The following TBCD variants were observed in gnomAD, a reference collection of about 807,000 sequenced individuals.
TBCD encodes the protein tubulin-specific chaperone D.
A neutral mutation model predicts 169.3 loss-of-function variants in TBCD; 105 were observed. The observed-to-expected ratio is 0.62, with a 90% CI of 0.53 to 0.73. The LOEUF (loss-of-function observed/expected upper bound fraction) is 0.73. Among genes scored for constraint, TBCD ranks in the 30% least tolerant of loss-of-function variants. The pLI, the probability that TBCD is intolerant of heterozygous loss-of-function variation, is 0.00. For synonymous variants in TBCD, 700 were observed against 643.9 expected (o/e 1.09, Z -1.32); for missense variants, 1,444 against 1,600.1 (o/e 0.90, Z 1.66).
In TBCD at chr17:82,920,860, G is replaced by A. The variant is rs1318306849; in HGVS notation, c.2101+242G>A. The stretch of plus-strand genomic sequence containing the variant: ...GTCACCTCAGTACCCCCACCTCCTC[G>A]CTTCCATGCCCAGGGCCCGGCACTC... On this transcript the variant is annotated intron_variant, in intron 24 of 38. Transcript: ENST00000355528. This position sits in a 1 kb window ranked among gnomAD's most constrained non-coding sequence, Gnocchi z 4.1. 6.6e-6 allele frequency among the ~76,000 whole-genome samples: 1 copy of A among 151,886 alleles called. No individual in the cohort carries two copies. The highest frequency in any genetic ancestry group is 1.5e-5 in the Non-Finnish European group (1 of 67,978).
Position 82,809,698 on chromosome 17 carries a change from T to A in TBCD, c.1149-10T>A. 1 of 1,612,610 alleles carries A rather than the reference T, an allele frequency of 6.2e-7. No individual in the cohort carries two copies. Among genetic ancestry groups the A allele is most frequent in the Non-Finnish European group, 8.5e-7 (1 of 1,179,272 alleles). ...GGTGCCCCTGACGGATTGCTGCGTT[T>A]CTCTTTCAGCATCGGTAGGATGGCT... On this transcript the variant is annotated splice_polypyrimidine_tract_variant and intron_variant, in intron 11 of 38. Transcript: ENST00000355528.
chr17:82,916,830 C>T (rs932199801), intron 23 of TBCD, among the ~76,000 whole-genome samples: 3 of 151,934 alleles, frequency 2.0e-5, no homozygotes, highest in African/African-American at 7.3e-5. Context: ...TATTTTCTGT[C>T]GATGTTTTGT....
At chr17:82,895,850 T>C (rs1437491381) in intron 17 of TBCD, 1 of 152,090 alleles carries the variant, frequency 6.6e-6, no homozygotes, top group African/African-American at 2.4e-5. Flanking sequence ...CAGACTGGAA[T>C]TGAACTAACG....
chr17:82,909,236 T>C (rs774723813), intron 21 of TBCD, 49 bp from the exon 22 acceptor site: 31 of 1,378,968 alleles, frequency 2.2e-5, no homozygotes, highest in Non-Finnish European at 2.6e-5. Flanking sequence ...CGTATACGTA[T>C]TATTTTAAAA....
intron 6 of TBCD, among the ~76,000 whole-genome samples, chr17:82,777,565 C>T (rs1199386457): frequency 6.6e-6 from 1 of 152,220 alleles, no homozygotes; most frequent in Non-Finnish European, 1.5e-5. Context: ...GGGGCCCTTC[C>T]CTGCCTGGCA....
chr17:82,859,646 C>T, intron 13 of TBCD: 4 of 985,342 alleles, frequency 4.1e-6, no homozygotes, highest in Non-Finnish European at 3.6e-6. Context: ...GGTTGGAGTT[C>T]AGAATTGTGG....
chr17:82,861,380 T>G (rs192606460), intron 13 of TBCD, among the ~76,000 whole-genome samples: 1,182 of 62,964 alleles, frequency 0.019, 9 homozygotes, highest in South Asian at 0.039. Flanking sequence ...AGCTGCTGGT[T>G]CACGTCAGCT....
intron 13 of TBCD, chr17:82,838,951 CTG>C (rs1246050164): frequency 1.0e-6 from 1 of 985,262 alleles, no homozygotes; most frequent in Non-Finnish European, 1.2e-6. Context: ...TGTGGACGGA[CTG>C]TGCTTGGTCA....
chr17:82,768,810 A>C (rs747657674), intron 5 of TBCD, among the ~76,000 whole-genome samples: 44 of 152,324 alleles, frequency 2.9e-4, no homozygotes, highest in South Asian at 1.0e-3. Flanking sequence ...TAATCATGGC[A>C]GATAAGGAAG....
In TBCD at chr17:82,945,853, CAGTTGGAT is replaced by C. The variant is rs2063665712; in HGVS notation, c.*3398_*3405del. 2 of 152,244 alleles carry C rather than the reference CAGTTGGAT, an allele frequency of 1.3e-5. No individual in the cohort carries two copies. The highest frequency in any genetic ancestry group is 2.9e-5 in the Non-Finnish European group (2 of 68,008). 9.4% of individuals were successfully genotyped at this position (152,244 alleles called of 1,614,324 possible). A position where few individuals can be genotyped will look rare whatever the true frequency, so the allele number is the denominator to read the frequency against. ...ACTTTAGGCAGGAGGGAAATGATCG[CAGTTGGAT>C]AGTTGGAGGAATGTGGAGCAAGGGA... On this transcript the variant is annotated 3_prime_UTR_variant, in exon 39 of 39. Transcript: ENST00000355528.
In TBCD at chr17:82,920,742, C is replaced by T. The variant is rs2061370241; in HGVS notation, c.2101+124C>T. On this transcript the variant is annotated intron_variant, in intron 24 of 38. Coordinates refer to ENST00000355528, the MANE Select transcript of TBCD (RefSeq NM_005993.5). The surrounding 1 kb of genome is among the most constrained non-coding windows in gnomAD (Gnocchi z 4.1). Reference sequence around the variant, plus strand: ...TAGCTTAAAGGTTCAAGATATTAATCGGATACGTTGCCTTGAAGTTGTTAC... The same window carrying T: ...TAGCTTAAAGGTTCAAGATATTAATTGGATACGTTGCCTTGAAGTTGTTAC... The T allele has an allele frequency of 1.8e-5, 16 of 905,186 alleles. No homozygotes were observed. The highest frequency in any genetic ancestry group is 5.4e-5 in the Admixed American group (2 of 37,090). 56.1% of individuals were successfully genotyped at this position (905,186 alleles called of 1,614,324 possible).
At chr17:82,866,722 C>A (rs999997046) in intron 13 of TBCD, among the ~76,000 whole-genome samples, 1 of 150,548 alleles carries the variant, frequency 6.6e-6, no homozygotes, top group Non-Finnish European at 1.5e-5. Context: ...GAGGCCGAGG[C>A]AGGCTTTGTT....
In TBCD at chr17:82,890,886, G is replaced by A. The variant is rs1328363497; in HGVS notation, c.1563+1189G>A. Among the ~76,000 whole-genome samples the A allele has an allele frequency of 3.3e-5, 5 of 152,224 alleles. No homozygotes were observed. The East Asian group carries it at 9.7e-4, about 29-fold the overall frequency. ...CGAGGTTTGGTCTTTTGAGTGGAGA[G>A]TGTGGCTGCTGTGAGGAAGAAGGAG... is the stretch of plus-strand genomic sequence containing the variant. On this transcript the variant is annotated intron_variant, in intron 16 of 38. Coordinates refer to ENST00000355528, the MANE Select transcript of TBCD (RefSeq NM_005993.5). The surrounding 1 kb of genome is among the most constrained non-coding windows in gnomAD (Gnocchi z 5.3).
rs768432582 is a variant in TBCD, at chr17:82,884,212, C to A, written c.1533+10C>A. 6.3e-7 allele frequency: 1 copy of A among 1,599,798 alleles called. No individual in the cohort carries two copies. The highest frequency in any genetic ancestry group is 8.5e-7 in the Non-Finnish European group (1 of 1,172,312). ...CAGAAGAGCAGCCTCTGTAAGTTTT[C>A]TCATTTTGATATTTCCTTTCCTGAA... On this transcript the variant is annotated intron_variant, in intron 15 of 38. Coordinates refer to ENST00000355528, the MANE Select transcript of TBCD (RefSeq NM_005993.5). This position sits in a 1 kb window ranked among gnomAD's most constrained non-coding sequence, Gnocchi z 4.2.
At chr17:82,756,248 A>C (rs781716663) in intron 2 of TBCD, 33 bp downstream of exon 2, 3 of 1,591,480 alleles carry the variant, frequency 1.9e-6, no homozygotes, top group Non-Finnish European at 2.6e-6. Flanking sequence ...TTGATCATTC[A>C]GTTACAGATG....
At chr17:82,924,274 A>G (rs1744227889) in intron 26 of TBCD, among the ~76,000 whole-genome samples, 2 of 152,108 alleles carry the variant, frequency 1.3e-5, no homozygotes, top group South Asian at 2.1e-4. Flanking sequence ...GAATTTTTGT[A>G]TGCACCGTGA....
At chr17:82,754,055 A>G (rs190745913) in intron 1 of TBCD, among the ~76,000 whole-genome samples, 145 of 151,278 alleles carry the variant, frequency 9.6e-4, no homozygotes, top group African/African-American at 2.7e-3. Context: ...TTTTCGTATT[A>G]TTAGTAGTGA....
chr17:82,825,142 G>T (rs1436036887), intron 13 of TBCD, among the ~76,000 whole-genome samples: 1 of 152,164 alleles, frequency 6.6e-6, no homozygotes, highest in African/African-American at 2.4e-5. Context: ...CTTGGGCGGG[G>T]TTCTCCATGC....
intron 13 of TBCD, among the ~76,000 whole-genome samples, chr17:82,840,964 T>TTTG (rs2054460870): frequency 1.5e-5 from 2 of 131,878 alleles, no homozygotes; most frequent in South Asian, 5.1e-4. Context: ...GTTTTTTTTT[T>TTTG]TTTTTTTTTT....
Sources: allele counts gnomAD v4.1 joint callset (sites outside exome capture counted in the v4.1 genomes callset), GRCh38; gene constraint gnomAD v4.1.1; non-coding constraint Gnocchi (gnomAD v3.1); transcripts MANE v1.5; gene names NCBI Gene and HGNC (gene_info 2026-07-23, HGNC 2026-07-21).